Variants in MIR2052HG observed in about 807,000 individuals in gnomAD.
The protein encoded by MIR2052HG is MIR2052 host gene.
At chr8:74,670,384 G>A (rs779432920) in intron 2 of MIR2052HG, among the ~76,000 whole-genome samples, 1 of 152,112 alleles carries the variant, frequency 6.6e-6, no homozygotes, top group Non-Finnish European at 1.5e-5. Flanking sequence ...CGGTAATATG[G>A]CAGGCTATAT....
At chr8:74,683,776 G>T (rs944759956) in intron 2 of MIR2052HG, among the ~76,000 whole-genome samples, 1 of 152,024 alleles carries the variant, frequency 6.6e-6, no homozygotes, top group Non-Finnish European at 1.5e-5. Context: ...ATAGGACTCC[G>T]ATTGTGGCTG....
intron 2 of MIR2052HG, among the ~76,000 whole-genome samples, chr8:74,674,981 G>C (rs954995244): frequency 6.6e-6 from 1 of 151,792 alleles, no homozygotes; most frequent in South Asian, 2.1e-4. Flanking sequence ...TGATTAACAG[G>C]TTCTAATTGC....
At chr8:74,625,539 A>T (rs973793619) in intron 2 of MIR2052HG, among the ~76,000 whole-genome samples, 2 of 152,232 alleles carry the variant, frequency 1.3e-5, no homozygotes, top group Non-Finnish European at 2.9e-5. Context: ...ATAAAACAGC[A>T]CAAATTTTGA....
chr8:74,738,089 T>C (rs1809787437), intron 4 of MIR2052HG, among the ~76,000 whole-genome samples: 1 of 151,304 alleles, frequency 6.6e-6, no homozygotes. Flanking sequence ...GATCTATGTA[T>C]GTATGTATGT....
intron 4 of MIR2052HG, among the ~76,000 whole-genome samples, chr8:74,710,472 AGTAGACC>A (rs1182843918): frequency 6.6e-6 from 1 of 152,174 alleles, no homozygotes; most frequent in Non-Finnish European, 1.5e-5. Flanking sequence ...CACGTTTTTA[AGTAGACC>A]GTAAGAGAAG....
At chr8:74,656,124 A>T (rs140118868) in intron 2 of MIR2052HG, among the ~76,000 whole-genome samples, 2 of 152,122 alleles carry the variant, frequency 1.3e-5, no homozygotes, top group Non-Finnish European at 2.9e-5. Context: ...TCTTCATTGT[A>T]TCTAGGAAGT....
chr8:74,712,953 G>A (rs1469712925), intron 4 of MIR2052HG, among the ~76,000 whole-genome samples: 1 of 152,158 alleles, frequency 6.6e-6, no homozygotes, highest in Non-Finnish European at 1.5e-5. Context: ...ACAGCATGAT[G>A]TGTGTTGATA....
intron 2 of MIR2052HG, among the ~76,000 whole-genome samples, chr8:74,648,893 GCCTTTCTTTCTATGA>G (rs1296720045): frequency 1.3e-5 from 2 of 152,132 alleles, no homozygotes; most frequent in African/African-American, 4.8e-5. Flanking sequence ...ATTTGATTAT[GCCTTTCTTTCTATGA>G]CCTGTTTTCA....
intron 4 of MIR2052HG, among the ~76,000 whole-genome samples, chr8:74,721,129 G>A (rs566572153): frequency 1.6e-4 from 24 of 152,264 alleles, no homozygotes; most frequent in Admixed American, 3.3e-4. Context: ...CTGCTATCCC[G>A]AAGTTAGTAG....
intron 2 of MIR2052HG, among the ~76,000 whole-genome samples, chr8:74,624,342 C>G (rs1808406993): frequency 6.6e-6 from 1 of 152,218 alleles, no homozygotes; most frequent in African/African-American, 2.4e-5. Flanking sequence ...TCACTTCAAA[C>G]ATATTCTTGA....
intron 2 of MIR2052HG, among the ~76,000 whole-genome samples, chr8:74,671,661 C>T (rs1808993943): frequency 6.6e-6 from 1 of 152,114 alleles, no homozygotes; most frequent in African/African-American, 2.4e-5. Context: ...AATGTGTGGA[C>T]TGAAAATGAG....
At position 74,661,167 on chromosome 8, in the gene MIR2052HG, T is replaced by A. The variant is rs1217573093; in HGVS notation, n.217-41212T>A. On this transcript the variant is annotated intron_variant and non_coding_transcript_variant, in intron 2 of 6. Coordinates refer to ENST00000523442, the Ensembl canonical transcript of MIR2052HG. ...GGGCTACCTTGGTTACCTGGTGACA[T>A]GAAAAAACTTGGACTGGATGCCAGC... is the stretch of plus-strand genomic sequence containing the variant. Among the ~76,000 whole-genome samples the A allele has an allele frequency of 2.0e-5, 3 of 150,564 alleles. No homozygotes were observed. The South Asian group carries it at 6.3e-4, about 32-fold the overall frequency.
At chr8:74,673,934 A>G (rs1408277781) in intron 2 of MIR2052HG, among the ~76,000 whole-genome samples, 2 of 136,128 alleles carry the variant, frequency 1.5e-5, no homozygotes, top group Non-Finnish European at 3.0e-5. Flanking sequence ...ATCTATCTAT[A>G]TATATTACTG....
intron 2 of MIR2052HG, among the ~76,000 whole-genome samples, chr8:74,653,708 C>G (rs1489866978): frequency 6.6e-6 from 1 of 152,110 alleles, no homozygotes; most frequent in Non-Finnish European, 1.5e-5. Context: ...TGGTCTCAGT[C>G]TGAAACAAAT....
chr8:74,668,394 C>A (rs569804290), intron 2 of MIR2052HG, among the ~76,000 whole-genome samples: 1 of 152,202 alleles, frequency 6.6e-6, no homozygotes, highest in African/African-American at 2.4e-5. Context: ...TGTTTGTTTG[C>A]CATGAATTTA....
intron 2 of MIR2052HG, among the ~76,000 whole-genome samples, chr8:74,697,978 T>C (rs540873107): frequency 3.9e-5 from 6 of 152,190 alleles, no homozygotes; most frequent in Non-Finnish European, 5.9e-5. Flanking sequence ...AATACCACGA[T>C]CATTCTTCAC....
At chr8:74,682,977 G>A (rs547236192) in intron 2 of MIR2052HG, among the ~76,000 whole-genome samples, 1 of 152,244 alleles carries the variant, frequency 6.6e-6, no homozygotes, top group African/African-American at 2.4e-5. Context: ...ATAAAAGGGA[G>A]TTTTAGAAGT....
At chr8:74,614,060 T>C (rs1424787813) in intron 2 of MIR2052HG, among the ~76,000 whole-genome samples, 2 of 152,220 alleles carry the variant, frequency 1.3e-5, no homozygotes, top group Non-Finnish European at 2.9e-5. Flanking sequence ...ACATAGAGGA[T>C]TCAAATAGTT....
chr8:74,675,372 A>C (rs1260335187), intron 2 of MIR2052HG, among the ~76,000 whole-genome samples: 1 of 152,104 alleles, frequency 6.6e-6, no homozygotes, highest in Non-Finnish European at 1.5e-5. Flanking sequence ...ACCATTATTT[A>C]CATAGCATTT....
Sources: gnomAD v4.1 joint callset for allele counts (sites outside exome capture counted in the v4.1 genomes callset) on GRCh38, gnomAD v4.1.1 for gene constraint, MANE v1.5 for transcripts, NCBI Gene and HGNC (gene_info 2026-07-23, HGNC 2026-07-21) for gene names.